The following TBX19 variants were observed in gnomAD, a reference collection of about 807,000 sequenced individuals.
TBX19 encodes the protein T-box transcription factor 19.
A neutral mutation model predicts 40.9 loss-of-function variants in TBX19; 33 were observed. The observed-to-expected ratio is 0.81, with a 90% CI of 0.61 to 1.08. The LOEUF (loss-of-function observed/expected upper bound fraction) is 1.08, where lower values mean the gene tolerates loss of function less well. TBX19 is among the 50% of genes least tolerant of loss of function. TBX19 has a pLI of 0.00. For synonymous variants in TBX19, 220 were observed against 225.0 expected (o/e 0.98, Z 0.20); for missense variants, 494 against 574.0 (o/e 0.86, Z 1.42).
intron 3 of TBX19, 38 bp from the exon 4 acceptor site, chr1:168,297,686 C>T (rs1392843114): frequency 6.3e-7 from 1 of 1,591,310 alleles, no homozygotes; most frequent in Non-Finnish European, 8.6e-7. Flanking sequence ...CATGTGTATC[C>T]TACTTTTACT....
chr1:168,292,621 T>C (rs186767429), intron 2 of TBX19, among the ~76,000 whole-genome samples: 3,367 of 152,174 alleles, frequency 0.022, 57 homozygotes, highest in Admixed American at 0.041. Flanking sequence ...TCCCAGCACT[T>C]TGGGAGGCCG....
Position 168,293,290 on chromosome 1 carries a change from TG to T in TBX19, c.603+13del, listed in dbSNP as rs766428546. The T allele has an allele frequency of 0.063, 87,072 of 1,383,966 alleles. 918 individuals carry two copies. The highest frequency in any genetic ancestry group is 0.12 in the African/African-American group (8,131 of 68,040). The allele number at this position is 1,383,966 out of a possible 1,614,324, so 85.7% of individuals were successfully genotyped here. The stretch of plus-strand genomic sequence containing the variant: ...ATCAGAATGAGGAGGTAAGAGTGTG[TG>T]TGTGTGTGTGTGTGTGTGTGTGTGT... On this transcript the variant is annotated intron_variant, in intron 3 of 7. Transcript: ENST00000367821.
At chr1:168,281,401 G>T in intron 1 of TBX19, 108 bp downstream of exon 1, 2 of 1,011,992 alleles carry the variant, frequency 2.0e-6, no homozygotes, top group Non-Finnish European at 3.1e-6. Flanking sequence ...GGCGGGATCT[G>T]ATTAAACATG....
chr1:168,304,222 A>G (rs775277687), intron 5 of TBX19, among the ~76,000 whole-genome samples: 8 of 152,270 alleles, frequency 5.3e-5, no homozygotes, highest in Non-Finnish European at 1.0e-4. Context: ...CAATCTCTTC[A>G]AAAACTTGTA....
In TBX19 at chr1:168,291,431, A is replaced by T. The variant is rs1433581634; in HGVS notation, c.468+7A>T. The T allele has an allele frequency of 1.2e-6, 2 of 1,614,028 alleles. No individual in the cohort carries two copies. The highest frequency in any genetic ancestry group is 1.7e-6 in the Non-Finnish European group (2 of 1,180,026). On this transcript the variant is annotated splice_region_variant and intron_variant, in intron 2 of 7. Coordinates refer to ENST00000367821, the MANE Select transcript of TBX19 (RefSeq NM_005149.3). ...GCTCAATGGAGGCGGGCAGGTACGA[A>T]TGAGGCGGGCAGGCCTGGCCACCCG...
At chr1:168,293,104 G>C (rs1462207387) in intron 2 of TBX19, 40 bp from the exon 3 acceptor site, 1 of 1,611,350 alleles carries the variant, frequency 6.2e-7, no homozygotes, top group Admixed American at 1.7e-5. Context: ...GATACACGGG[G>C]CTTTGCTTTT....
Position 168,293,281 on chromosome 1 carries a change from A to T in TBX19, c.603+3A>T. 1 of 1,427,622 alleles carries T rather than the reference A, an allele frequency of 7.0e-7. No individual in the cohort carries two copies. Among genetic ancestry groups the T allele is most frequent in the East Asian group, 3.1e-5 (1 of 32,644 alleles). The allele number at this position is 1,427,622 out of a possible 1,614,324, so 88.4% of individuals were successfully genotyped here. A position where few individuals can be genotyped will look rare whatever the true frequency, so the allele number is the denominator to read the frequency against. On this transcript the variant is annotated splice_donor_region_variant and intron_variant, in intron 3 of 7. Transcript: ENST00000367821. ...TGACTGCCTATCAGAATGAGGAGGT[A>T]AGAGTGTGTGTGTGTGTGTGTGTGT...
intron 2 of TBX19, 106 bp from the exon 3 acceptor site, chr1:168,293,038 C>G (rs1213122208): frequency 6.3e-7 from 1 of 1,581,402 alleles, no homozygotes; most frequent in Non-Finnish European, 8.6e-7. Flanking sequence ...GTGTCCCTAA[C>G]CGGGGTGGTG....
In TBX19 at chr1:168,283,317, A is replaced by T. The variant is rs75385854; in HGVS notation, c.203+2024A>T. On this transcript the variant is annotated intron_variant, in intron 1 of 7. Transcript: ENST00000367821. Reference sequence around the variant, plus strand: ...GTGTTTGCCGTCTTCCTATAGATGAAATCTTTTTCTTAAATTCTCCTAAGC... The same window carrying T: ...GTGTTTGCCGTCTTCCTATAGATGATATCTTTTTCTTAAATTCTCCTAAGC... 7.3e-4 allele frequency among the ~76,000 whole-genome samples: 111 copies of T among 152,254 alleles called. 1 individual carries two copies. The highest frequency in any genetic ancestry group is 3.4e-3 in the Middle Eastern group (1 of 294).
chr1:168,292,724 C>T (rs899306135), intron 2 of TBX19, among the ~76,000 whole-genome samples: 27 of 151,944 alleles, frequency 1.8e-4, no homozygotes, highest in African/African-American at 3.9e-4. Context: ...ATTAGCCGGG[C>T]GTGGTGGCGG....
chr1:168,284,663 C>A (rs1353388406), intron 1 of TBX19, among the ~76,000 whole-genome samples: 2 of 149,168 alleles, frequency 1.3e-5, no homozygotes, highest in African/African-American at 4.9e-5. Context: ...GTAGTCCCAG[C>A]TACTTGGGAG....
intron 1 of TBX19, 28 bp from the exon 2 acceptor site, chr1:168,291,132 G>A: frequency 1.2e-6 from 2 of 1,606,436 alleles, no homozygotes; most frequent in Non-Finnish European, 1.7e-6. Flanking sequence ...CGTCCCTCCT[G>A]TGGCTAAGTT....
In TBX19 at chr1:168,312,813, A is replaced by G; in HGVS notation, c.1158A>G (p.Pro386=). Residue 386 remains proline (P), a synonymous_variant, in exon 8 of 8, where the codon CCA becomes CCG. Transcript: ENST00000367821. ...CAGGAGCATTTCTCCTCGGAAACCCAGCTGTGACTTCACCCCCTTCTGTGC... is the reference window on the plus strand; with the variant it reads ...CAGGAGCATTTCTCCTCGGAAACCCGGCTGTGACTTCACCCCCTTCTGTGC... The part of the protein sequence containing the change: ...STPGAFLLGN[P]AVTSPPSVLS... 6.2e-7 allele frequency: 1 copy of G among 1,614,236 alleles called. No homozygotes were observed.
chr1:168,310,793 T>A (rs941819399), intron 7 of TBX19, among the ~76,000 whole-genome samples: 5 of 146,452 alleles, frequency 3.4e-5, no homozygotes, highest in African/African-American at 1.2e-4. Context: ...TGTATAAAAA[T>A]ATATATTTTA....
Position 168,293,175 on chromosome 1 carries a change from C to T in TBX19, c.500C>T (p.Pro167Leu), listed in dbSNP as rs1432158768. The change falls in exon 3 of 8, where the codon CCC (proline) becomes CTC (leucine). Residue 167 changes from proline (P) to leucine (L), a missense_variant. Around this residue, in one of 3 missense-constraint regions of TBX19, gnomAD observed 201 missense variants for 235.2 expected, o/e 0.85. Transcript: ENST00000367821. ...TTGAATTCTCTGCATAAATATGAACCCCAGGTTCACATAGTGCGTGTTGGA... is the reference window on the plus strand; with the variant it reads ...TTGAATTCTCTGCATAAATATGAACTCCAGGTTCACATAGTGCGTGTTGGA... ...IMLNSLHKYE[P>L]QVHIVRVGSA... 1.9e-6 allele frequency: 3 copies of T among 1,613,846 alleles called. No individual in the cohort carries two copies. The highest frequency in any genetic ancestry group is 1.3e-5 in the African/African-American group (1 of 74,872).
intron 1 of TBX19, among the ~76,000 whole-genome samples, chr1:168,286,253 T>A (rs1317569870): frequency 6.6e-6 from 1 of 152,244 alleles, no homozygotes; most frequent in African/African-American, 2.4e-5. Context: ...GATGATATAA[T>A]TCACATGCCA....
At chr1:168,285,017 A>G (rs976386021) in intron 1 of TBX19, among the ~76,000 whole-genome samples, 1 of 152,112 alleles carries the variant, frequency 6.6e-6, no homozygotes, top group Non-Finnish European at 1.5e-5. Flanking sequence ...GGAGAAAAGT[A>G]AAGTTGCACA....
intron 3 of TBX19, among the ~76,000 whole-genome samples, chr1:168,296,628 T>G (rs1649110052): frequency 6.6e-6 from 1 of 152,108 alleles, no homozygotes; most frequent in Non-Finnish European, 1.5e-5. Flanking sequence ...CAATTCAAGA[T>G]GAAATTTGGG....
chr1:168,286,569 T>G (rs1254037282), intron 1 of TBX19, among the ~76,000 whole-genome samples: 3 of 152,244 alleles, frequency 2.0e-5, no homozygotes, highest in African/African-American at 7.2e-5. Context: ...GCACTTCATC[T>G]TTTTTATTGA....
Sources: allele counts gnomAD v4.1 joint callset (sites outside exome capture counted in the v4.1 genomes callset), GRCh38; gene constraint gnomAD v4.1.1; regional missense constraint gnomAD v4.1.1; transcripts MANE v1.5; gene names NCBI Gene and HGNC (gene_info 2026-07-23, HGNC 2026-07-21).